The following SARNP variants were observed in gnomAD, a reference collection of about 807,000 sequenced individuals.
SARNP encodes the protein SAP domain-containing ribonucleoprotein.
A neutral mutation model predicts 38.1 loss-of-function variants in SARNP; 5 were observed. The ratio of observed to expected loss-of-function variants is 0.13; its 90% CI spans 0.07 to 0.28. The LOEUF (loss-of-function observed/expected upper bound fraction) is 0.28. Among genes scored for constraint, SARNP ranks in the 10% least tolerant of loss-of-function variants. SARNP has a pLI of 1.00. For missense variants in SARNP, 180 were observed against 243.9 expected (o/e 0.74, Z 1.75); for synonymous variants, 84 against 80.6 (o/e 1.04, Z -0.23).
In SARNP at chr12:55,796,864, T is replaced by C. The variant is rs1259496492; in HGVS notation, c.252-788A>G. Among the ~76,000 whole-genome samples, 2 of 151,928 alleles carry C rather than the reference T, an allele frequency of 1.3e-5. 1 individual carries two copies. The highest frequency in any genetic ancestry group is 4.1e-4 in the South Asian group (2 of 4,830). On this transcript the variant is annotated intron_variant, in intron 4 of 10. Coordinates refer to ENST00000336133, the MANE Select transcript of SARNP (RefSeq NM_033082.4). ...GGGAATGTAGCTCTAGCTGGAACAG[T>C]CAAAGTGAAACAAATAAAAATGCCA...
At chr12:55,807,738 C>T (rs1338548252) in intron 1 of SARNP, among the ~76,000 whole-genome samples, 1 of 150,660 alleles carries the variant, frequency 6.6e-6, no homozygotes, top group Non-Finnish European at 1.5e-5. Flanking sequence ...GGCGTGAACC[C>T]GGGAGGCGGA....
chr12:55,757,228 C>G, downstream of SARNP: 1 of 280,692 alleles, frequency 3.6e-6, no homozygotes, highest in Non-Finnish European at 6.7e-6. Flanking sequence ...CTGGTCTAAT[C>G]TAGCTCCAAT....
At chr12:55,796,915 AG>A (rs1369569184) in intron 4 of SARNP, among the ~76,000 whole-genome samples, 4 of 152,218 alleles carry the variant, frequency 2.6e-5, no homozygotes, top group Admixed American at 2.6e-4. Flanking sequence ...AAAAAGTCTA[AG>A]GGGAGTTTGA....
chr12:55,778,979 GCAAAACAAAACAAAA>G (rs374254023), intron 9 of SARNP, among the ~76,000 whole-genome samples: 12 of 151,852 alleles, frequency 7.9e-5, no homozygotes, highest in Admixed American at 1.3e-4. Flanking sequence ...AAAAAGCAAA[GCAAAACAAAACAAAA>G]CAAAACAAAA....
intron 9 of SARNP, among the ~76,000 whole-genome samples, chr12:55,777,632 C>G (rs985443798): frequency 3.9e-5 from 6 of 152,098 alleles, no homozygotes; most frequent in African/African-American, 1.4e-4. Flanking sequence ...CCTCGGCCTC[C>G]CTAAGTGCTG....
In SARNP at chr12:55,790,597, G is replaced by A; in HGVS notation, c.407-5C>T. On this transcript the variant is annotated splice_region_variant and splice_polypyrimidine_tract_variant and intron_variant, in intron 7 of 10. Coordinates refer to ENST00000336133, the MANE Select transcript of SARNP (RefSeq NM_033082.4). ...GTTTGTTATCAGATGACAGACCTAA[G>A]GAAGTAAATAAAGTTTTATTTAATA... 6.6e-7 allele frequency: 1 copy of A among 1,520,736 alleles called. No homozygotes were observed. Among genetic ancestry groups the A allele is most frequent in the South Asian group, 1.3e-5 (1 of 77,274 alleles). 94.2% of individuals were successfully genotyped at this position (1,520,736 alleles called of 1,614,324 possible).
chr12:55,773,494 T>C (rs1012705293), intron 9 of SARNP, among the ~76,000 whole-genome samples: 14 of 152,178 alleles, frequency 9.2e-5, no homozygotes, highest in African/African-American at 2.9e-4. Context: ...ACCTGTCTTA[T>C]TGCTCTCCTA....
intron 9 of SARNP, among the ~76,000 whole-genome samples, chr12:55,781,540 A>T (rs1210081214): frequency 6.6e-6 from 1 of 151,864 alleles, no homozygotes; most frequent in African/African-American, 2.4e-5. Flanking sequence ...TCTCAAAAAA[A>T]AAAAAAAACA....
chr12:55,790,875 TAA>T (rs1456588263), intron 7 of SARNP, among the ~76,000 whole-genome samples: 1 of 152,128 alleles, frequency 6.6e-6, no homozygotes, highest in African/African-American at 2.4e-5. Flanking sequence ...TGAAAACATA[TAA>T]TTACACAAAA....
rs751324763 is a variant in SARNP at position 55,765,732 on chromosome 12, AAAC to A, written c.502-5095_502-5093del. Among the ~76,000 whole-genome samples, 10 of 152,144 alleles carry A rather than the reference AAAC, an allele frequency of 6.6e-5. No individual in the cohort carries two copies. The South Asian group carries it at 1.2e-3, about 19-fold the overall frequency. ...TAAACCCATTAGGGGTTCCAGGGGA[AAAC>A]AACAACAACAATACATCGTTCCCCC... On this transcript the variant is annotated intron_variant, in intron 9 of 10. Coordinates refer to ENST00000336133, the MANE Select transcript of SARNP (RefSeq NM_033082.4).
chr12:55,799,029 T>C (rs1879900409), intron 4 of SARNP, among the ~76,000 whole-genome samples: 1 of 152,076 alleles, frequency 6.6e-6, no homozygotes, highest in African/African-American at 2.4e-5. Context: ...TTTCCAGATG[T>C]GAAAAAAAAT....
At chr12:55,774,392 C>T (rs1879099979) in intron 9 of SARNP, among the ~76,000 whole-genome samples, 1 of 151,656 alleles carries the variant, frequency 6.6e-6, no homozygotes, top group Admixed American at 6.6e-5. Context: ...CTCTATACCC[C>T]AATAAACTCC....
intron 4 of SARNP, among the ~76,000 whole-genome samples, chr12:55,797,910 C>T (rs953936010): frequency 6.6e-6 from 1 of 152,180 alleles, no homozygotes; most frequent in Non-Finnish European, 1.5e-5. Context: ...CTTCAATTTC[C>T]TTGTTTCAAA....
In SARNP at chr12:55,787,607, T is replaced by G. The variant is rs921931897; in HGVS notation, c.501+1468A>C. 2.4e-4 allele frequency among the ~76,000 whole-genome samples: 37 copies of G among 151,994 alleles called. 2 individuals carry two copies. ...ATGTACCACCATGCCCAGCTAATTT[T>G]TGTAGTTTTAGTAGAGACAGGGTTT... On this transcript the variant is annotated intron_variant, in intron 9 of 10. Coordinates refer to ENST00000336133, the MANE Select transcript of SARNP (RefSeq NM_033082.4).
At chr12:55,775,686 C>T (rs1336227303) in intron 9 of SARNP, among the ~76,000 whole-genome samples, 1 of 151,960 alleles carries the variant, frequency 6.6e-6, no homozygotes, top group Non-Finnish European at 1.5e-5. Flanking sequence ...TTACAAACAT[C>T]ACCAACAAGT....
chr12:55,817,359 C>A (rs1253123620), intron 1 of SARNP, among the ~76,000 whole-genome samples: 7 of 152,218 alleles, frequency 4.6e-5, no homozygotes, highest in Non-Finnish European at 1.0e-4. Flanking sequence ...TGACGTAATG[C>A]AGCCCTGAAA....
intron 2 of SARNP, among the ~76,000 whole-genome samples, chr12:55,801,191 C>T (rs1247955897): frequency 6.6e-6 from 1 of 152,182 alleles, no homozygotes; most frequent in African/African-American, 2.4e-5. Flanking sequence ...GTAATCCCAG[C>T]AATCTGGGAG....
intron 9 of SARNP, among the ~76,000 whole-genome samples, chr12:55,787,572 G>A (rs1879538016): frequency 6.6e-6 from 1 of 152,036 alleles, no homozygotes; most frequent in African/African-American, 2.4e-5. Context: ...AAGTAGCTGG[G>A]ATTACAGGCA....
intron 9 of SARNP, among the ~76,000 whole-genome samples, chr12:55,777,611 T>C (rs1456789201): frequency 2.0e-5 from 3 of 152,136 alleles, no homozygotes; most frequent in Non-Finnish European, 4.4e-5. Flanking sequence ...CCTGACCTCA[T>C]GATCCACCTG....
Sources: gnomAD v4.1 joint callset for allele counts (sites outside exome capture counted in the v4.1 genomes callset) on GRCh38, gnomAD v4.1.1 for gene constraint, MANE v1.5 for transcripts, NCBI Gene and HGNC (gene_info 2026-07-23, HGNC 2026-07-21) for gene names.